Variants in CAMKK2 observed in about 807,000 individuals in gnomAD.
CAMKK2 encodes calcium/calmodulin-dependent protein kinase kinase 2.
A neutral mutation model predicts 67.2 loss-of-function variants in CAMKK2; 30 were observed. That is an observed-to-expected ratio of 0.45 (90% CI 0.33 to 0.61). The LOEUF is 0.61. Among genes scored for constraint, CAMKK2 ranks in the 20% least tolerant of loss-of-function variants. CAMKK2 has a pLI of 0.02. For synonymous variants in CAMKK2, 322 were observed against 326.2 expected (o/e 0.99, Z 0.14); for missense variants, 643 against 802.0 (o/e 0.80, Z 2.39).
At chr12:121,259,854 A>G (rs1451906153) in intron 7 of CAMKK2, among the ~76,000 whole-genome samples, 2 of 152,162 alleles carry the variant, frequency 1.3e-5, no homozygotes, top group African/African-American at 4.8e-5. Flanking sequence ...AGGCCAATGC[A>G]GGAGGATCTC....
rs551704330 is a variant in CAMKK2, at chr12:121,272,335, T to C, written c.472-1390A>G. Among the ~76,000 whole-genome samples the C allele has an allele frequency of 3.3e-5, 5 of 152,312 alleles. No homozygotes were observed. In the South Asian group the frequency reaches 1.0e-3, roughly 32 times the overall value. Reference sequence around the variant, plus strand: ...TGTGGTACGTCCATACAATTGAAATTATTCAGCAATAAAAAGGAACTACAG... The same window carrying C: ...TGTGGTACGTCCATACAATTGAAATCATTCAGCAATAAAAAGGAACTACAG... On this transcript the variant is annotated intron_variant, in intron 2 of 16. Coordinates refer to ENST00000404169, the MANE Select transcript of CAMKK2 (RefSeq NM_001270485.2).
intron 6 of CAMKK2, among the ~76,000 whole-genome samples, chr12:121,261,246 A>G (rs1893389120): frequency 6.6e-6 from 1 of 152,138 alleles, no homozygotes; most frequent in South Asian, 2.1e-4. Flanking sequence ...GCTGGCAAAG[A>G]GTCTTGTTGG....
At chr12:121,242,250 G>A (rs1369764109) in intron 16 of CAMKK2, among the ~76,000 whole-genome samples, 5 of 151,576 alleles carry the variant, frequency 3.3e-5, no homozygotes, top group African/African-American at 9.7e-5. Flanking sequence ...CAGGAGAATC[G>A]CTTGAGCCTA....
chr12:121,274,704 A>C, intron 1 of CAMKK2, 119 bp from the exon 2 acceptor site: 1 of 591,388 alleles, frequency 1.7e-6, no homozygotes, highest in Non-Finnish European at 3.0e-6. Flanking sequence ...ATCCTAAAAA[A>C]ATCTTGCAAA....
At chr12:121,273,909 G>A (rs1474808890) in intron 2 of CAMKK2, 147 bp downstream of exon 2, 18 of 601,052 alleles carry the variant, frequency 3.0e-5, no homozygotes, top group South Asian at 7.3e-5. Context: ...GGCCCCAGCC[G>A]CCCCCAAGGT....
intron 16 of CAMKK2, among the ~76,000 whole-genome samples, chr12:121,242,704 C>A (rs1888606580): frequency 6.6e-6 from 1 of 152,208 alleles, no homozygotes; most frequent in South Asian, 2.1e-4. Flanking sequence ...ACCATATAAG[C>A]CCTGACTCCC....
chr12:121,249,683 G>T, intron 13 of CAMKK2, 104 bp downstream of exon 13: 1 of 947,700 alleles, frequency 1.1e-6, no homozygotes, highest in Non-Finnish European at 1.7e-6. Context: ...GAACAGCGGT[G>T]CCAAGGAGGG....
intron 2 of CAMKK2, among the ~76,000 whole-genome samples, chr12:121,273,455 C>A (rs1289114776): frequency 6.6e-6 from 1 of 152,062 alleles, no homozygotes; most frequent in Non-Finnish European, 1.5e-5. Flanking sequence ...GATCTGAGTT[C>A]TCTGTATCCC....
chr12:121,275,446 T>C (rs1321976661), intron 1 of CAMKK2, among the ~76,000 whole-genome samples: 2 of 136,988 alleles, frequency 1.5e-5, no homozygotes, highest in African/African-American at 5.8e-5. Context: ...ATCATGCCAC[T>C]GCACTCCAGC....
In CAMKK2 at chr12:121,240,520, A is replaced by G. The variant is rs1181892972; in HGVS notation, c.*179T>C. The G allele has an allele frequency of 2.0e-6, 3 of 1,492,110 alleles. No individual in the cohort carries two copies. In the Admixed American group the frequency reaches 6.3e-5, roughly 31 times the overall value. 92.4% of individuals were successfully genotyped at this position (1,492,110 alleles called of 1,614,324 possible). The stretch of plus-strand genomic sequence containing the variant: ...GGCCACGGTCGACGTCATGGAGTCA[A>G]GTCCTTTTTTTTTTTTTGTCCCCTT... On this transcript the variant is annotated 3_prime_UTR_variant, in exon 17 of 17. Transcript: ENST00000404169. The surrounding 1 kb of genome is among the most constrained non-coding windows in gnomAD (Gnocchi z 4.4).
chr12:121,240,734 G>C lies in CAMKK2; in HGVS notation c.1732C>G (p.Pro578Ala), dbSNP rs202003410. ...PAPGSPARMH[P>A]LRPEEAMEPE ...TCCATGGCCTCCTCCGGCCGCAGTG[G>C]ATGCATGCGTGCGGGGGAGCCGGGG... Residue 578 changes from proline (P) to alanine (A), a missense_variant, in exon 17 of 17, where the codon CCA becomes GCA. Coordinates refer to ENST00000404169, the MANE Select transcript of CAMKK2 (RefSeq NM_001270485.2). The surrounding 1 kb of genome is among the most constrained non-coding windows in gnomAD (Gnocchi z 4.4). The C allele has an allele frequency of 6.8e-6, 11 of 1,608,516 alleles. No individual in the cohort carries two copies. The highest frequency in any genetic ancestry group is 9.3e-6 in the Non-Finnish European group (11 of 1,179,040).
intron 7 of CAMKK2, among the ~76,000 whole-genome samples, chr12:121,259,209 C>A (rs1425184093): frequency 6.6e-6 from 1 of 152,134 alleles, no homozygotes; most frequent in African/African-American, 2.4e-5. Flanking sequence ...CAAATGTCAC[C>A]TTGGTGAGAC....
intron 1 of CAMKK2, among the ~76,000 whole-genome samples, chr12:121,275,911 C>T (rs1896704650): frequency 6.6e-6 from 1 of 152,156 alleles, no homozygotes; most frequent in African/African-American, 2.4e-5. Flanking sequence ...CCTGTAATCT[C>T]AGCACTTTGG....
chr12:121,244,486 G>A lies in CAMKK2; in HGVS notation c.1596+87C>T, dbSNP rs906793787. 1.0e-4 allele frequency: 133 copies of A among 1,267,458 alleles called. 1 individual carries two copies. The highest frequency in any genetic ancestry group is 1.5e-4 in the East Asian group (6 of 39,418). 78.5% of individuals were successfully genotyped at this position (1,267,458 alleles called of 1,614,324 possible). On this transcript the variant is annotated intron_variant, in intron 16 of 16. Transcript: ENST00000404169. Reference sequence around the variant, plus strand: ...CCCAGGCTGGAAGGAGCATCTGCCCGGGTGGGGATGCCCCCGTGCTCTGCA... The same window carrying A: ...CCCAGGCTGGAAGGAGCATCTGCCCAGGTGGGGATGCCCCCGTGCTCTGCA...
chr12:121,263,662 T>C (rs972013360), intron 6 of CAMKK2, 144 bp downstream of exon 6: 2 of 572,002 alleles, frequency 3.5e-6, no homozygotes, highest in Non-Finnish European at 5.7e-6. Flanking sequence ...GAGTAACAAA[T>C]ACTCTTAGGG....
rs947311115 is a variant in CAMKK2 at position 121,241,357 on chromosome 12, C to T, written c.1597-488G>A. Among the ~76,000 whole-genome samples the T allele has an allele frequency of 2.6e-5, 4 of 152,270 alleles. No homozygotes were observed. In the East Asian group the frequency reaches 7.7e-4, roughly 29 times the overall value. On this transcript the variant is annotated intron_variant, in intron 16 of 16. Coordinates refer to ENST00000404169, the MANE Select transcript of CAMKK2 (RefSeq NM_001270485.2). ...CCTGCCTGGCCTGGCACACAGCTGG[C>T]CCTCAAGAAAGGGCAGATGACAACT...
At chr12:121,288,712 T>C (rs959707563) in intron 1 of CAMKK2, among the ~76,000 whole-genome samples, 1 of 152,040 alleles carries the variant, frequency 6.6e-6, no homozygotes, top group East Asian at 1.9e-4. Flanking sequence ...GGGCAACACC[T>C]TGGCCTCCCC....
At chr12:121,288,186 AG>A (rs778033355) in intron 1 of CAMKK2, among the ~76,000 whole-genome samples, 4 of 152,106 alleles carry the variant, frequency 2.6e-5, no homozygotes, top group African/African-American at 7.2e-5. Context: ...CCAAAGGAAG[AG>A]GTTGGAAAAC....
At chr12:121,252,021 G>A (rs1045368156) in intron 11 of CAMKK2, among the ~76,000 whole-genome samples, 33 of 152,120 alleles carry the variant, frequency 2.2e-4, no homozygotes, top group Admixed American at 1.3e-4. Flanking sequence ...GCAGTATCAG[G>A]CTCAGGAGGA....
Sources: gnomAD v4.1 joint callset for allele counts (sites outside exome capture counted in the v4.1 genomes callset) on GRCh38, gnomAD v4.1.1 for gene constraint, Gnocchi (gnomAD v3.1) non-coding constraint, MANE v1.5 for transcripts, NCBI Gene and HGNC (gene_info 2026-07-23, HGNC 2026-07-21) for gene names.